The following GPC6 variants were observed in gnomAD, a reference collection of about 807,000 sequenced individuals.
GPC6 encodes glypican-6.
In GPC6, 14 loss-of-function variants were observed where a neutral mutation model predicts 55.2. The ratio of observed to expected loss-of-function variants is 0.25; its 90% confidence interval spans 0.17 to 0.40. The LOEUF is 0.40. GPC6 is among the 10% of genes least tolerant of loss of function. The probability of loss-of-function intolerance (pLI) is 1.00; values close to 1 mark genes in which losing one functional copy is unlikely to be tolerated. For synonymous variants in GPC6, 278 were observed against 259.6 expected (o/e 1.07, Z -0.68); for missense variants, 641 against 708.5 (o/e 0.90, Z 1.08).
chr13:93,875,544 G>T (rs1889265758), intron 3 of GPC6, among the ~76,000 whole-genome samples: 1 of 152,002 alleles, frequency 6.6e-6, no homozygotes, highest in African/African-American at 2.4e-5. Flanking sequence ...ATGCACAAAG[G>T]TAAGATGCGT....
rs546281644 is a variant in GPC6 at position 93,658,778 on chromosome 13, T to G, written c.319+113357T>G. Reference sequence around the variant, plus strand: ...TTAATATTAAAAACATTAATTTTGCTAATATTTTGTGAGGATTTTGGTATC... The same window carrying G: ...TTAATATTAAAAACATTAATTTTGCGAATATTTTGTGAGGATTTTGGTATC... On this transcript the variant is annotated intron_variant, in intron 2 of 8. Transcript: ENST00000377047. Among the ~76,000 whole-genome samples the G allele has an allele frequency of 5.3e-5, 8 of 151,858 alleles. No individual in the cohort carries two copies. In the East Asian group the frequency reaches 1.5e-3, roughly 29 times the overall value.
intron 4 of GPC6, among the ~76,000 whole-genome samples, chr13:94,271,620 G>C (rs1892029444): frequency 6.6e-6 from 1 of 152,048 alleles, no homozygotes; most frequent in Admixed American, 6.6e-5. Context: ...CTTCATTGTA[G>C]TGTTGGGGAG....
chr13:94,333,981 C>CT (rs1420020255), intron 6 of GPC6, among the ~76,000 whole-genome samples: 1 of 152,188 alleles, frequency 6.6e-6, no homozygotes. Context: ...GAAATGACAA[C>CT]TTTGAGTCAA....
At chr13:94,354,876 A>G (rs1878716289) in intron 6 of GPC6, among the ~76,000 whole-genome samples, 1 of 152,254 alleles carries the variant, frequency 6.6e-6, no homozygotes, top group South Asian at 2.1e-4. Context: ...GACGGTGATG[A>G]TGATCATGAT....
At chr13:94,076,521 T>G (rs548307389) in intron 4 of GPC6, among the ~76,000 whole-genome samples, 1 of 152,122 alleles carries the variant, frequency 6.6e-6, no homozygotes, top group Non-Finnish European at 1.5e-5. Flanking sequence ...TTGTTTCATG[T>G]GCTTTGGGTT....
chr13:94,358,966 C>CA (rs1878931894), intron 6 of GPC6, among the ~76,000 whole-genome samples: 2 of 152,006 alleles, frequency 1.3e-5, no homozygotes, highest in South Asian at 2.1e-4. Context: ...CTTTTTGGAC[C>CA]AAAAAAAGTA....
intron 4 of GPC6, among the ~76,000 whole-genome samples, chr13:94,278,652 T>C (rs751354546): frequency 6.6e-5 from 10 of 152,228 alleles, no homozygotes; most frequent in Non-Finnish European, 1.3e-4. Flanking sequence ...TGAAGGGATG[T>C]TGAATTTTAT....
intron 4 of GPC6, among the ~76,000 whole-genome samples, chr13:94,152,744 T>C (rs1164101903): frequency 2.0e-5 from 3 of 152,150 alleles, no homozygotes; most frequent in African/African-American, 7.2e-5. Flanking sequence ...TCAATCTGAT[T>C]ACCTAAGTGA....
intron 6 of GPC6, among the ~76,000 whole-genome samples, chr13:94,321,492 G>A (rs562001715): frequency 6.6e-6 from 1 of 152,086 alleles, no homozygotes; most frequent in Non-Finnish European, 1.5e-5. Flanking sequence ...AAATTGCCAC[G>A]CTGCTTTTCA....
intron 4 of GPC6, among the ~76,000 whole-genome samples, chr13:94,118,545 T>C (rs1886514567): frequency 6.6e-6 from 1 of 152,090 alleles, no homozygotes. Flanking sequence ...AATCATTTCA[T>C]GTGAACATAT....
intron 2 of GPC6, among the ~76,000 whole-genome samples, chr13:93,813,050 T>G (rs951345720): frequency 6.6e-6 from 1 of 152,208 alleles, no homozygotes; most frequent in Non-Finnish European, 1.5e-5. Flanking sequence ...AGGACTGCTT[T>G]AGATATTTAG....
chr13:93,771,567 C>T (rs1225819336), intron 2 of GPC6, among the ~76,000 whole-genome samples: 1 of 151,966 alleles, frequency 6.6e-6, no homozygotes, highest in Non-Finnish European at 1.5e-5. Context: ...CTGTGCAGTC[C>T]CCTTTTGTTT....
chr13:94,247,702 A>G (rs1891237522), intron 4 of GPC6, among the ~76,000 whole-genome samples: 1 of 152,118 alleles, frequency 6.6e-6, no homozygotes, highest in African/African-American at 2.4e-5. Flanking sequence ...GGTAAATCCT[A>G]CTTAATCATG....
chr13:93,646,029 T>C (rs1880156003), intron 2 of GPC6, among the ~76,000 whole-genome samples: 3 of 152,112 alleles, frequency 2.0e-5, no homozygotes, highest in Admixed American at 2.0e-4. Flanking sequence ...AATTTTACCA[T>C]GATTTTTTGT....
intron 1 of GPC6, among the ~76,000 whole-genome samples, chr13:93,484,434 GA>G (rs1408156656): frequency 6.6e-6 from 1 of 152,074 alleles, no homozygotes. Flanking sequence ...TGTATATTCT[GA>G]AAGATTTTTG....
chr13:93,245,863 G>T (rs986965976), intron 1 of GPC6, among the ~76,000 whole-genome samples: 1 of 152,220 alleles, frequency 6.6e-6, no homozygotes, highest in African/African-American at 2.4e-5. Flanking sequence ...GACCAGAGCA[G>T]TCTATCCCAT....
intron 4 of GPC6, among the ~76,000 whole-genome samples, chr13:94,131,228 T>C (rs1224923699): frequency 1.3e-5 from 2 of 152,158 alleles, no homozygotes; most frequent in African/African-American, 4.8e-5. Flanking sequence ...ATATATTTTC[T>C]GGAATGCCGA....
At chr13:93,702,652 A>G (rs753455317) in intron 2 of GPC6, among the ~76,000 whole-genome samples, 1 of 151,916 alleles carries the variant, frequency 6.6e-6, no homozygotes, top group African/African-American at 2.4e-5. Flanking sequence ...ATCTTCATCA[A>G]TTATCATAGC....
At chr13:93,306,629 A>T (rs2139102018) in intron 1 of GPC6, among the ~76,000 whole-genome samples, 1 of 152,212 alleles carries the variant, frequency 6.6e-6, no homozygotes, top group East Asian at 1.9e-4. Flanking sequence ...ACTTCAAATA[A>T]ATCCTATATC....
Sources: gnomAD v4.1 joint callset for allele counts (sites outside exome capture counted in the v4.1 genomes callset) on GRCh38, gnomAD v4.1.1 for gene constraint, MANE v1.5 for transcripts, NCBI Gene and HGNC (gene_info 2026-07-23, HGNC 2026-07-21) for gene names.